The following XKR6 variants were observed in gnomAD, a reference collection of about 807,000 sequenced individuals.
The protein encoded by XKR6 is XK related 6.
XKR6 carries 22 observed loss-of-function variants against 56.7 expected under a neutral mutation model. The ratio of observed to expected loss-of-function variants is 0.39; its 90% CI spans 0.28 to 0.55. The LOEUF (loss-of-function observed/expected upper bound fraction) is 0.55, where lower values mean the gene tolerates loss of function less well. Ranked by LOEUF, XKR6 falls within the 20% of genes least tolerant of loss-of-function variation. The pLI is 0.66. For missense variants in XKR6, 852 were observed against 889.0 expected (o/e 0.96, Z 0.53); for synonymous variants, 524 against 387.8 (o/e 1.35, Z -4.13).
At chr8:10,979,799 C>T (rs896579574) in intron 1 of XKR6, among the ~76,000 whole-genome samples, 2 of 152,270 alleles carry the variant, frequency 1.3e-5, no homozygotes, top group South Asian at 4.2e-4. Flanking sequence ...CCCTGTGCTG[C>T]GGGGAGGGGA....
chr8:11,046,487 A>T (rs13262690), intron 1 of XKR6, among the ~76,000 whole-genome samples: 1,796 of 152,336 alleles, frequency 0.012, 12 homozygotes, highest in Admixed American at 0.021. Context: ...TATGAACATT[A>T]TAATGTTCCT....
chr8:10,946,836 G>A (rs28486007), intron 1 of XKR6, among the ~76,000 whole-genome samples: 34,212 of 152,064 alleles, frequency 0.22, 4,051 homozygotes, highest in Non-Finnish European at 0.26. Context: ...TCCATTGCTA[G>A]GCATGAGATA....
intron 1 of XKR6, among the ~76,000 whole-genome samples, chr8:10,933,062 T>C (rs1323446351): frequency 1.3e-5 from 2 of 152,074 alleles, no homozygotes; most frequent in African/African-American, 2.4e-5. Flanking sequence ...AGTGTTCCTA[T>C]TTCCTGACTT....
At chr8:11,011,448 G>C (rs577011087) in intron 1 of XKR6, among the ~76,000 whole-genome samples, 302 of 152,324 alleles carry the variant, frequency 2.0e-3, no homozygotes, top group African/African-American at 6.9e-3. Context: ...GGAGGGTCCT[G>C]AACATTTTCC....
At position 10,989,617 on chromosome 8, in the gene XKR6, C is replaced by G. The variant is rs577555939; in HGVS notation, c.765-64787G>C. On this transcript the variant is annotated intron_variant, in intron 1 of 2. Coordinates refer to ENST00000416569, the MANE Select transcript of XKR6 (RefSeq NM_173683.4). Reference sequence around the variant, plus strand: ...GGTAACATTCTGTAAGTTCCTTAGCCTCTTTTAATTTCAGATATATCAATA... The same window carrying G: ...GGTAACATTCTGTAAGTTCCTTAGCGTCTTTTAATTTCAGATATATCAATA... Among the ~76,000 whole-genome samples the G allele has an allele frequency of 3.3e-5, 5 of 152,266 alleles. No individual in the cohort carries two copies. The East Asian group carries it at 7.7e-4, about 23-fold the overall frequency.
intron 1 of XKR6, among the ~76,000 whole-genome samples, chr8:11,061,177 G>A (rs901510987): frequency 6.6e-6 from 1 of 152,170 alleles, no homozygotes; most frequent in Non-Finnish European, 1.5e-5. Flanking sequence ...TCAAAATTCT[G>A]AATCGGCTGG....
intron 1 of XKR6, among the ~76,000 whole-genome samples, chr8:11,093,018 T>C (rs1798128801): frequency 2.0e-5 from 3 of 149,784 alleles, no homozygotes; most frequent in Middle Eastern, 3.4e-3. Context: ...TTTCTTTCTC[T>C]TTTCTTTTTT....
chr8:11,048,395 G>A (rs115462556), intron 1 of XKR6, among the ~76,000 whole-genome samples: 1 of 152,164 alleles, frequency 6.6e-6, no homozygotes, highest in African/African-American at 2.4e-5. Flanking sequence ...TTCTCTCCCC[G>A]CCCCGCCCAC....
At chr8:10,901,269 T>G (rs1800029493) in intron 2 of XKR6, among the ~76,000 whole-genome samples, 1 of 152,128 alleles carries the variant, frequency 6.6e-6, no homozygotes, top group South Asian at 2.1e-4. Context: ...TTGGCCAGGC[T>G]GGTCTTGAAC....
chr8:10,941,108 C>T (rs546892987), intron 1 of XKR6, among the ~76,000 whole-genome samples: 21 of 152,124 alleles, frequency 1.4e-4, no homozygotes, highest in Admixed American at 2.6e-4. Context: ...CCACCTTTCC[C>T]ACTGCCTTAT....
chr8:11,069,081 T>C (rs943545760), intron 1 of XKR6, among the ~76,000 whole-genome samples: 3 of 151,948 alleles, frequency 2.0e-5, no homozygotes, highest in African/African-American at 7.3e-5. Context: ...TCTTGCCCCA[T>C]CAGCAGAGCT....
intron 1 of XKR6, among the ~76,000 whole-genome samples, chr8:11,014,228 A>G (rs1798565730): frequency 6.6e-6 from 1 of 152,290 alleles, no homozygotes; most frequent in East Asian, 1.9e-4. Context: ...TCCCTATGTA[A>G]TCTCAATCTT....
At chr8:10,913,514 C>G (rs1020756347) in intron 2 of XKR6, among the ~76,000 whole-genome samples, 2 of 152,172 alleles carry the variant, frequency 1.3e-5, no homozygotes, top group Non-Finnish European at 2.9e-5. Context: ...TATGCACCCC[C>G]CAGCCATCGC....
intron 1 of XKR6, among the ~76,000 whole-genome samples, chr8:11,184,287 C>T (rs1310908886): frequency 1.3e-5 from 2 of 151,924 alleles, no homozygotes; most frequent in African/African-American, 2.4e-5. Flanking sequence ...CATGCAGACC[C>T]CTGGTACAGT....
chr8:11,052,614 G>A (rs977034357), intron 1 of XKR6, among the ~76,000 whole-genome samples: 1 of 152,068 alleles, frequency 6.6e-6, no homozygotes, highest in African/African-American at 2.4e-5. Flanking sequence ...CTGGCCTGTG[G>A]GGGAGCCCAG....
chr8:11,045,392 G>A (rs1219658452), intron 1 of XKR6, among the ~76,000 whole-genome samples: 2 of 151,914 alleles, frequency 1.3e-5, no homozygotes, highest in African/African-American at 4.8e-5. Flanking sequence ...ATGGCCTCAA[G>A]CCACTCTTAA....
intron 1 of XKR6, among the ~76,000 whole-genome samples, chr8:10,997,446 G>C (rs550064980): frequency 6.6e-6 from 1 of 152,260 alleles, no homozygotes; most frequent in African/African-American, 2.4e-5. Flanking sequence ...AGCAGGGGTG[G>C]CGGTCTGAGC....
At chr8:11,076,121 A>G (rs1221020876) in intron 1 of XKR6, among the ~76,000 whole-genome samples, 4 of 152,240 alleles carry the variant, frequency 2.6e-5, no homozygotes, top group South Asian at 2.1e-4. Flanking sequence ...AGCCCGTCAC[A>G]AAATGACAAA....
chr8:11,094,390 A>C (rs1372434044), intron 1 of XKR6, among the ~76,000 whole-genome samples: 1 of 151,664 alleles, frequency 6.6e-6, no homozygotes, highest in African/African-American at 2.4e-5. Context: ...GGATTTCACT[A>C]TGTTGACCAG....
Sources: allele counts gnomAD v4.1 joint callset (sites outside exome capture counted in the v4.1 genomes callset), GRCh38; gene constraint gnomAD v4.1.1; transcripts MANE v1.5; gene names NCBI Gene and HGNC (gene_info 2026-07-23, HGNC 2026-07-21).